The following WWOX variants were observed in gnomAD, a reference collection of about 807,000 sequenced individuals.
WWOX encodes the protein WW domain-containing oxidoreductase.
In WWOX, 69 loss-of-function variants were observed where a neutral mutation model predicts 46.2. The observed-to-expected ratio is 1.49, with a 90% confidence interval of 1.23 to 1.82. The LOEUF is 1.82. Ranked by LOEUF, WWOX falls within the 40% of genes most tolerant of loss-of-function variation. The probability of loss-of-function intolerance (pLI) is 0.00; values close to 1 mark genes in which losing one functional copy is unlikely to be tolerated. For synonymous variants in WWOX, 359 were observed against 202.6 expected (o/e 1.77, Z -6.56); for missense variants, 919 against 542.6 (o/e 1.69, Z -6.89).
intron 5 of WWOX, among the ~76,000 whole-genome samples, chr16:78,197,634 A>T (rs1005311191): frequency 6.6e-6 from 1 of 152,188 alleles, no homozygotes; most frequent in Non-Finnish European, 1.5e-5. Flanking sequence ...CATCCTAAGG[A>T]GAGGGGGAGA....
At chr16:78,818,680 A>G (rs2051410339) in intron 8 of WWOX, among the ~76,000 whole-genome samples, 1 of 152,210 alleles carries the variant, frequency 6.6e-6, no homozygotes, top group African/African-American at 2.4e-5. Context: ...GCAGTGAACT[A>G]AGATGCCACA....
At chr16:78,335,346 C>T (rs189884198) in intron 5 of WWOX, among the ~76,000 whole-genome samples, 3 of 152,292 alleles carry the variant, frequency 2.0e-5, no homozygotes, top group African/African-American at 7.2e-5. Flanking sequence ...TCTCATCATG[C>T]AGCTCCCACT....
chr16:78,560,847 C>A (rs1184196575), intron 8 of WWOX, among the ~76,000 whole-genome samples: 1 of 151,978 alleles, frequency 6.6e-6, no homozygotes, highest in Non-Finnish European at 1.5e-5. Context: ...GGGATTGTTG[C>A]ATGCTGCAGA....
intron 8 of WWOX, among the ~76,000 whole-genome samples, chr16:79,090,951 G>A (rs917763066): frequency 1.3e-5 from 2 of 152,050 alleles, no homozygotes; most frequent in Non-Finnish European, 2.9e-5. Flanking sequence ...TCATGCCACC[G>A]CACCCAGCTC....
intron 8 of WWOX, among the ~76,000 whole-genome samples, chr16:78,888,645 T>G (rs1487342961): frequency 6.6e-6 from 1 of 152,130 alleles, no homozygotes; most frequent in Non-Finnish European, 1.5e-5. Flanking sequence ...GAACTTATTT[T>G]TATGTTGCCA....
At chr16:78,864,814 G>T (rs955181431) in intron 8 of WWOX, among the ~76,000 whole-genome samples, 1 of 136,772 alleles carries the variant, frequency 7.3e-6, no homozygotes, top group African/African-American at 2.9e-5. Flanking sequence ...CCAGGCTGGA[G>T]TGCAGTGGTG....
chr16:79,059,756 A>G (rs1031165089), intron 8 of WWOX, among the ~76,000 whole-genome samples: 1 of 152,176 alleles, frequency 6.6e-6, no homozygotes, highest in African/African-American at 2.4e-5. Context: ...GAAATGGGTA[A>G]ACTTGAAACA....
intron 8 of WWOX, among the ~76,000 whole-genome samples, chr16:78,721,871 C>T (rs575803331): frequency 3.1e-4 from 47 of 152,316 alleles, no homozygotes; most frequent in African/African-American, 6.7e-4. Context: ...CAAACGCACA[C>T]GTGCGTAGGA....
At chr16:78,136,618 G>C (rs985479143) in intron 4 of WWOX, among the ~76,000 whole-genome samples, 2 of 152,210 alleles carry the variant, frequency 1.3e-5, no homozygotes, top group African/African-American at 4.8e-5. Context: ...GGAACGTAGA[G>C]CTTTTTACTC....
Position 78,989,848 on chromosome 16 carries a change from G to GTC in WWOX, c.1057-221759_1057-221758insCT, listed in dbSNP as rs2046850322. Reference sequence around the variant, plus strand: ...TGTGTGTGTGTGTGTGTGTGTGTGTGTGTGTGTGATTGAGAGAGAGAGAGA... The same window carrying GTC: ...TGTGTGTGTGTGTGTGTGTGTGTGTGTCTGTGTGTGATTGAGAGAGAGAGAGA... On this transcript the variant is annotated intron_variant, in intron 8 of 8. Coordinates refer to ENST00000566780, the MANE Select transcript of WWOX (RefSeq NM_016373.4). Among the ~76,000 whole-genome samples the GTC allele has an allele frequency of 2.6e-5, 4 of 151,538 alleles. No individual in the cohort carries two copies. The South Asian group carries it at 8.4e-4, about 32-fold the overall frequency.
chr16:79,011,241 C>A (rs1022256264), intron 8 of WWOX, among the ~76,000 whole-genome samples: 2 of 151,282 alleles, frequency 1.3e-5, no homozygotes, highest in African/African-American at 4.9e-5. Flanking sequence ...TAGCAGGCAT[C>A]TTCTGAGAAT....
intron 8 of WWOX, among the ~76,000 whole-genome samples, chr16:78,656,512 G>A (rs1339840670): frequency 2.0e-5 from 3 of 152,186 alleles, no homozygotes; most frequent in African/African-American, 4.8e-5. Flanking sequence ...CTGCATGGCT[G>A]GAGTAGGAGG....
chr16:79,029,648 C>G (rs1030309982), intron 8 of WWOX, among the ~76,000 whole-genome samples: 2 of 152,174 alleles, frequency 1.3e-5, no homozygotes, highest in African/African-American at 4.8e-5. Flanking sequence ...ACATTTTTAA[C>G]TTTAATGAGA....
chr16:78,122,056 A>G (rs1177490251), intron 4 of WWOX, among the ~76,000 whole-genome samples: 3 of 152,178 alleles, frequency 2.0e-5, no homozygotes, highest in South Asian at 2.1e-4. Flanking sequence ...CCACATTTAC[A>G]TAACTTTTAT....
At chr16:78,904,558 G>A (rs1414692232) in intron 8 of WWOX, among the ~76,000 whole-genome samples, 1 of 151,974 alleles carries the variant, frequency 6.6e-6, no homozygotes, top group Non-Finnish European at 1.5e-5. Context: ...TCTGGGTGGG[G>A]CATGGTCACT....
chr16:78,993,069 TC>T (rs1364465151), intron 8 of WWOX, among the ~76,000 whole-genome samples: 1 of 152,172 alleles, frequency 6.6e-6, no homozygotes, highest in East Asian at 1.9e-4. Flanking sequence ...ATGCACATTT[TC>T]CCCTTCTTTC....
At chr16:78,914,676 C>G (rs538490741) in intron 8 of WWOX, among the ~76,000 whole-genome samples, 7 of 151,686 alleles carry the variant, frequency 4.6e-5, no homozygotes, top group East Asian at 2.0e-4. Context: ...TCAGGAGATC[C>G]AGACTATCCT....
intron 5 of WWOX, among the ~76,000 whole-genome samples, chr16:78,303,292 A>G (rs2080075074): frequency 6.6e-6 from 1 of 152,222 alleles, no homozygotes; most frequent in Admixed American, 6.5e-5. Flanking sequence ...AGTAATAATC[A>G]GAAGTATTTT....
intron 8 of WWOX, among the ~76,000 whole-genome samples, chr16:79,019,925 C>G (rs1013907939): frequency 6.6e-6 from 1 of 152,178 alleles, no homozygotes; most frequent in Admixed American, 6.5e-5. Context: ...ACTTAATTCA[C>G]TGGGTGACTG....
Sources: gnomAD v4.1 joint callset for allele counts (sites outside exome capture counted in the v4.1 genomes callset) on GRCh38, gnomAD v4.1.1 for gene constraint, MANE v1.5 for transcripts, NCBI Gene and HGNC (gene_info 2026-07-23, HGNC 2026-07-21) for gene names.